Variants in PTPRD observed in about 807,000 individuals in gnomAD.
PTPRD encodes the protein protein tyrosine phosphatase receptor type D.
Under a neutral mutation model 214.5 loss-of-function variants are expected in PTPRD, and 34 were observed. The observed-to-expected ratio is 0.16, with a 90% confidence interval of 0.12 to 0.21. The LOEUF (loss-of-function observed/expected upper bound fraction) is 0.21, where lower values mean the gene tolerates loss of function less well. PTPRD is among the 10% of genes least tolerant of loss of function. The probability of loss-of-function intolerance (pLI) is 1.00; values close to 1 mark genes in which losing one functional copy is unlikely to be tolerated. For synonymous variants in PTPRD, 1,128 were observed against 845.7 expected (o/e 1.33, Z -5.79); for missense variants, 2,545 against 2,398.7 (o/e 1.06, Z -1.27).
At chr9:8,486,541 T>C (rs974586938) in intron 27 of PTPRD, 192 bp from the exon 28 acceptor site, 5 of 708,228 alleles carry the variant, frequency 7.1e-6, no homozygotes, top group Non-Finnish European at 1.3e-5. Flanking sequence ...TAAAGTAGGC[T>C]GAGATACTAG....
At chr9:10,445,882 C>T (rs567377615) in intron 2 of PTPRD, among the ~76,000 whole-genome samples, 2 of 152,084 alleles carry the variant, frequency 1.3e-5, no homozygotes, top group East Asian at 3.9e-4. Context: ...ACAAAAAGAA[C>T]ACAGAAAAGA....
chr9:9,626,318 G>A (rs1447711191), intron 7 of PTPRD, among the ~76,000 whole-genome samples: 2 of 152,114 alleles, frequency 1.3e-5, no homozygotes, highest in Admixed American at 6.6e-5. Context: ...TTGCAAAGTG[G>A]ACTAAAAGCT....
chr9:8,569,310 AC>A (rs1285634366), intron 14 of PTPRD, among the ~76,000 whole-genome samples: 2 of 152,138 alleles, frequency 1.3e-5, no homozygotes, highest in East Asian at 3.9e-4. Flanking sequence ...ATCCAATGTT[AC>A]CCAAATCATA....
At chr9:9,553,804 T>C (rs1484838388) in intron 8 of PTPRD, among the ~76,000 whole-genome samples, 1 of 152,088 alleles carries the variant, frequency 6.6e-6, no homozygotes, top group African/African-American at 2.4e-5. Context: ...CAAAGTTCAA[T>C]AATTACATTT....
chr9:9,959,825 G>T lies in PTPRD; in HGVS notation c.-471-21215C>A, dbSNP rs1278921503. On this transcript the variant is annotated intron_variant, in intron 4 of 45. Transcript: ENST00000381196. ...TTTTTCAGATAAGCAAGGAGAGGAA[G>T]CTAGAATGACTTATGTTGTGATGGA... 2.0e-5 allele frequency among the ~76,000 whole-genome samples: 3 copies of T among 152,158 alleles called. No individual in the cohort carries two copies. The East Asian group carries it at 5.8e-4, about 29-fold the overall frequency.
At chr9:10,129,796 T>A (rs560221062) in intron 3 of PTPRD, among the ~76,000 whole-genome samples, 1 of 152,228 alleles carries the variant, frequency 6.6e-6, no homozygotes, top group South Asian at 2.1e-4. Context: ...CTAAATTGGC[T>A]GACTTTTGGT....
chr9:9,979,782 TAA>T (rs942804277), intron 4 of PTPRD, among the ~76,000 whole-genome samples: 1 of 152,198 alleles, frequency 6.6e-6, no homozygotes, highest in African/African-American at 2.4e-5. Context: ...CGCACAGTAT[TAA>T]AGAGTATAGA....
chr9:10,090,923 C>CAA (rs1242464537), intron 3 of PTPRD, among the ~76,000 whole-genome samples: 2 of 117,950 alleles, frequency 1.7e-5, no homozygotes, highest in African/African-American at 8.1e-5. Flanking sequence ...GAAATATACA[C>CAA]ACACACACAC....
chr9:8,949,128 G>C (rs1376913936), intron 11 of PTPRD, among the ~76,000 whole-genome samples: 2 of 151,312 alleles, frequency 1.3e-5, no homozygotes, highest in Non-Finnish European at 2.9e-5. Context: ...GGAGGCTGAG[G>C]CAGGAGAATC....
At chr9:10,506,600 A>T (rs1455966841) in intron 2 of PTPRD, among the ~76,000 whole-genome samples, 14 of 152,078 alleles carry the variant, frequency 9.2e-5, no homozygotes, top group African/African-American at 3.4e-4. Flanking sequence ...ATACACACCT[A>T]CTATGTATTC....
chr9:10,025,329 G>A (rs1358007699), intron 4 of PTPRD, among the ~76,000 whole-genome samples: 1 of 152,098 alleles, frequency 6.6e-6, no homozygotes, highest in Non-Finnish European at 1.5e-5. Context: ...CATTCTAACT[G>A]GTGCGAGATG....
intron 3 of PTPRD, among the ~76,000 whole-genome samples, chr9:10,186,258 G>A (rs539228472): frequency 9.9e-5 from 15 of 152,052 alleles, no homozygotes; most frequent in East Asian, 1.9e-4. Flanking sequence ...TATATGCAAC[G>A]TAGCATCAAT....
chr9:9,424,918 G>A (rs1455319959), intron 8 of PTPRD, among the ~76,000 whole-genome samples: 2 of 152,140 alleles, frequency 1.3e-5, no homozygotes, highest in African/African-American at 4.8e-5. Flanking sequence ...CTATATCAAT[G>A]CACCAATCAA....
In PTPRD at chr9:10,451,325, C is replaced by T. The variant is rs1452621036; in HGVS notation, c.-599-110308G>A. On this transcript the variant is annotated intron_variant, in intron 2 of 45. Coordinates refer to ENST00000381196, the MANE Select transcript of PTPRD (RefSeq NM_002839.4). ...CCTTATTTCACTAGAGAATTAATTT[C>T]TGAAACAAAATGACTGGAGTCTGTG... Among the ~76,000 whole-genome samples the T allele has an allele frequency of 1.3e-5, 2 of 151,758 alleles. 1 individual carries two copies. Among genetic ancestry groups the T allele is most frequent in the African/African-American group, 4.9e-5 (2 of 41,182 alleles).
chr9:9,825,362 C>G (rs989205531), intron 5 of PTPRD, among the ~76,000 whole-genome samples: 1 of 147,760 alleles, frequency 6.8e-6, no homozygotes, highest in African/African-American at 2.5e-5. Flanking sequence ...CAAAGAGACA[C>G]AGAGAGAGAC....
Position 8,602,200 on chromosome 9 carries a change from A to C in PTPRD, c.352+31117T>G, listed in dbSNP as rs1233093144. Among the ~76,000 whole-genome samples, 3 of 152,114 alleles carry C rather than the reference A, an allele frequency of 2.0e-5. No individual in the cohort carries two copies. The East Asian group carries it at 5.8e-4, about 29-fold the overall frequency. ...AAACGACCTTAGCATTCTATCTTTC[A>C]CCTGAGCCAATAGTTCTAAATAGAA... On this transcript the variant is annotated intron_variant, in intron 14 of 45. Coordinates refer to ENST00000381196, the MANE Select transcript of PTPRD (RefSeq NM_002839.4).
chr9:8,460,888 G>A (rs1221405078), intron 32 of PTPRD, among the ~76,000 whole-genome samples: 1 of 152,030 alleles, frequency 6.6e-6, no homozygotes, highest in Non-Finnish European at 1.5e-5. Context: ...TAAAGTACCA[G>A]TAATTAACCA....
chr9:9,270,679 A>G (rs1942498182), intron 9 of PTPRD, among the ~76,000 whole-genome samples: 1 of 151,448 alleles, frequency 6.6e-6, no homozygotes, highest in Non-Finnish European at 1.5e-5. Flanking sequence ...TATTTATGTT[A>G]TAGAAAGATT....
At chr9:8,585,991 T>C (rs148792135) in intron 14 of PTPRD, among the ~76,000 whole-genome samples, 1 of 147,902 alleles carries the variant, frequency 6.8e-6, no homozygotes, top group Non-Finnish European at 1.5e-5. Context: ...GATTTAACAA[T>C]AGGCATTACT....
Sources: allele counts gnomAD v4.1 joint callset (sites outside exome capture counted in the v4.1 genomes callset), GRCh38; gene constraint gnomAD v4.1.1; transcripts MANE v1.5; gene names NCBI Gene and HGNC (gene_info 2026-07-23, HGNC 2026-07-21).